CMC1: variants seen among roughly 807,000 people sequenced by gnomAD.
CMC1 encodes the protein C-X9-C motif containing 1.
A neutral mutation model predicts 14.1 loss-of-function variants in CMC1; 14 were observed. That is an observed-to-expected ratio of 0.99 (90% confidence interval 0.66 to 1.55). The LOEUF (loss-of-function observed/expected upper bound fraction) is 1.55. Ranked by LOEUF, CMC1 falls within the 40% of genes most tolerant of loss-of-function variation. The probability of loss-of-function intolerance (pLI) is 0.00; values close to 1 mark genes in which losing one functional copy is unlikely to be tolerated. For synonymous variants in CMC1, 50 were observed against 38.4 expected (o/e 1.30, Z -1.12); for missense variants, 127 against 123.8 (o/e 1.03, Z -0.12).
rs1285043754 is a variant in CMC1 at position 28,280,372 on chromosome 3, TTAA to T, written c.109+16995_109+16997del. 3.3e-5 allele frequency among the ~76,000 whole-genome samples: 5 copies of T among 151,150 alleles called. No homozygotes were observed. The East Asian group carries it at 9.6e-4, about 29-fold the overall frequency. The stretch of plus-strand genomic sequence containing the variant: ...CTTTTGTTTCATTGAATGGTATATA[TTAA>T]TACTCATTTCATTTTAGATCAGTGT... On this transcript the variant is annotated intron_variant, in intron 2 of 3. Transcript: ENST00000466830.
intron 2 of CMC1, among the ~76,000 whole-genome samples, chr3:28,300,866 AT>A (rs1702006900): frequency 6.6e-6 from 1 of 151,166 alleles, no homozygotes; most frequent in Admixed American, 6.6e-5. Flanking sequence ...AACCACAGTT[AT>A]CAGTTTTCTT....
chr3:28,319,405 T>A, intron 3 of CMC1, 104 bp from the exon 4 acceptor site: 1 of 1,020,852 alleles, frequency 9.8e-7, no homozygotes, highest in Non-Finnish European at 1.5e-6. Flanking sequence ...TTCTAAAGAT[T>A]GAGCCTGATG....
In CMC1 at chr3:28,323,807, A is replaced by G. The variant is rs1703272169; in HGVS notation, c.*4178A>G. On this transcript the variant is annotated 3_prime_UTR_variant, in exon 4 of 4. Transcript: ENST00000466830. Reference sequence around the variant, plus strand: ...TTAAACACCTTAAGTTTACTTATTAATTAGTATAGTAGCATATTTCAGATT... The same window carrying G: ...TTAAACACCTTAAGTTTACTTATTAGTTAGTATAGTAGCATATTTCAGATT... The G allele has an allele frequency of 2.9e-6, 1 of 345,592 alleles. No homozygotes were observed. Among genetic ancestry groups the G allele is most frequent in the Non-Finnish European group, 5.2e-6 (1 of 192,270 alleles). The allele number at this position is 345,592 out of a possible 1,614,324, so 21.4% of individuals were successfully genotyped here. A position where few individuals can be genotyped will look rare whatever the true frequency, so the allele number is the denominator to read the frequency against.
intron 2 of CMC1, among the ~76,000 whole-genome samples, chr3:28,271,457 G>T (rs1559413274): frequency 1.3e-5 from 2 of 152,154 alleles, no homozygotes; most frequent in African/African-American, 4.8e-5. Context: ...ATTAAATAGG[G>T]AATCCTTTCC....
rs1455450413 is a variant in CMC1 at position 28,241,776 on chromosome 3, T to G, written c.-18T>G. The G allele has an allele frequency of 7.3e-6, 9 of 1,241,260 alleles. No individual in the cohort carries two copies. Among genetic ancestry groups the G allele is most frequent in the Non-Finnish European group, 9.1e-6 (9 of 988,070 alleles). 76.9% of individuals were successfully genotyped at this position (1,241,260 alleles called of 1,614,324 possible). A position where few individuals can be genotyped will look rare whatever the true frequency, so the allele number is the denominator to read the frequency against. On this transcript the variant is annotated 5_prime_UTR_variant, in exon 1 of 4. Transcript: ENST00000466830. ...CCCCGGAGCCGCCAAGCGGCTACGT[T>G]CTTCTCGGCCCGCCGAGATGGCGCT...
intron 2 of CMC1, among the ~76,000 whole-genome samples, chr3:28,288,178 T>G (rs1485878500): frequency 1.3e-5 from 2 of 152,100 alleles, no homozygotes; most frequent in African/African-American, 4.8e-5. Flanking sequence ...TAGTTTCCTG[T>G]GTAAAATGAA....
intron 2 of CMC1, among the ~76,000 whole-genome samples, chr3:28,274,326 G>A (rs1700469789): frequency 6.8e-6 from 1 of 146,520 alleles, no homozygotes; most frequent in Non-Finnish European, 1.5e-5. Context: ...AATTCCCCCA[G>A]CATTTGCTTG....
chr3:28,270,587 T>C (rs1016587829), intron 2 of CMC1, among the ~76,000 whole-genome samples: 5 of 152,296 alleles, frequency 3.3e-5, no homozygotes, highest in Non-Finnish European at 7.3e-5. Context: ...TTGCCCACTT[T>C]TTAATGGAGT....
intron 2 of CMC1, among the ~76,000 whole-genome samples, chr3:28,284,494 C>T (rs1234368395): frequency 6.6e-6 from 1 of 152,156 alleles, no homozygotes; most frequent in Non-Finnish European, 1.5e-5. Flanking sequence ...ACATGTTTCT[C>T]TCCACAGAGA....
At chr3:28,302,189 A>G (rs1033968476) in intron 2 of CMC1, among the ~76,000 whole-genome samples, 1 of 152,186 alleles carries the variant, frequency 6.6e-6, no homozygotes, top group Non-Finnish European at 1.5e-5. Flanking sequence ...GAAAAAGTCC[A>G]ACAGGTTCGT....
chr3:28,269,169 TG>T (rs1333555082), intron 2 of CMC1, among the ~76,000 whole-genome samples: 1 of 152,156 alleles, frequency 6.6e-6, no homozygotes, highest in African/African-American at 2.4e-5. Context: ...GTATCTGCAG[TG>T]TCAGGCATCC....
intron 2 of CMC1, among the ~76,000 whole-genome samples, chr3:28,283,760 T>C (rs1026534931): frequency 6.6e-6 from 1 of 152,200 alleles, no homozygotes; most frequent in African/African-American, 2.4e-5. Context: ...GGAACAGTTG[T>C]ATTCCATCTC....
intron 2 of CMC1, among the ~76,000 whole-genome samples, chr3:28,305,779 A>ATTTTTTTTTTTTTTTTT (rs71087685): frequency 1.8e-4 from 8 of 43,570 alleles, no homozygotes; most frequent in African/African-American, 8.9e-4. Flanking sequence ...TTTCATAGGA[A>ATTTTTTTTTTTTTTTTT]TTTTTTTTTT....
At chr3:28,303,027 G>A (rs1034609757) in intron 2 of CMC1, among the ~76,000 whole-genome samples, 4 of 152,118 alleles carry the variant, frequency 2.6e-5, no homozygotes, top group Non-Finnish European at 5.9e-5. Flanking sequence ...CACTAATCTT[G>A]GAAATATGAT....
At chr3:28,258,615 T>A (rs1360843330) in intron 1 of CMC1, among the ~76,000 whole-genome samples, 1 of 114,996 alleles carries the variant, frequency 8.7e-6, no homozygotes, top group Non-Finnish European at 1.7e-5. Context: ...TATTTCTGGA[T>A]TTTTTTTTTT....
intron 1 of CMC1, among the ~76,000 whole-genome samples, chr3:28,254,730 T>C (rs1699303456): frequency 6.6e-6 from 1 of 152,222 alleles, no homozygotes; most frequent in Non-Finnish European, 1.5e-5. Flanking sequence ...TCAGGATGCA[T>C]TATGAATAAG....
At chr3:28,249,615 T>C (rs996767596) in intron 1 of CMC1, among the ~76,000 whole-genome samples, 5 of 152,128 alleles carry the variant, frequency 3.3e-5, no homozygotes, top group African/African-American at 1.2e-4. Context: ...CATTTCTGAT[T>C]TAACTGGTCT....
intron 2 of CMC1, among the ~76,000 whole-genome samples, chr3:28,284,633 T>G (rs1353423781): frequency 2.0e-5 from 3 of 152,132 alleles, no homozygotes; most frequent in Non-Finnish European, 4.4e-5. Context: ...ACCATATAGA[T>G]TTTGCTCATT....
In CMC1 at chr3:28,319,658, C is replaced by T. The variant is rs1260079936; in HGVS notation, c.*29C>T. ...GATACTCAAATGACATTCAGGAACT[C>T]TAATATTCATGGAAGTCATTTTATA... On this transcript the variant is annotated 3_prime_UTR_variant, in exon 4 of 4. Transcript: ENST00000466830. 3 of 1,569,260 alleles carry T rather than the reference C, an allele frequency of 1.9e-6. No individual in the cohort carries two copies. In the South Asian group the frequency reaches 3.6e-5, roughly 19 times the overall value.
Sources: allele counts gnomAD v4.1 joint callset (sites outside exome capture counted in the v4.1 genomes callset), GRCh38; gene constraint gnomAD v4.1.1; transcripts MANE v1.5; gene names NCBI Gene and HGNC (gene_info 2026-07-23, HGNC 2026-07-21).